The following DPP10 variants were observed in gnomAD, a reference collection of about 807,000 sequenced individuals.
The protein encoded by DPP10 is dipeptidyl peptidase like 10, also known as inactive dipeptidyl peptidase 10.
In DPP10, 33 loss-of-function variants were observed where a neutral mutation model predicts 120.9. The ratio of observed to expected loss-of-function variants is 0.27; its 90% CI spans 0.21 to 0.37. DPP10 has a LOEUF of 0.37. Ranked by LOEUF, DPP10 falls within the 10% of genes least tolerant of loss-of-function variation. The pLI is 1.00. For missense variants in DPP10, 816 were observed against 942.8 expected (o/e 0.87, Z 1.76); for synonymous variants, 337 against 326.1 (o/e 1.03, Z -0.36).
At chr2:114,501,504 T>C (rs924038138) in intron 1 of DPP10, among the ~76,000 whole-genome samples, 2 of 152,180 alleles carry the variant, frequency 1.3e-5, no homozygotes, top group Non-Finnish European at 1.5e-5. Flanking sequence ...CCAAAGCTGC[T>C]AAAAAATCTG....
chr2:115,423,362 T>C (rs1230143659), intron 3 of DPP10, among the ~76,000 whole-genome samples: 2 of 152,144 alleles, frequency 1.3e-5, no homozygotes, highest in Non-Finnish European at 2.9e-5. Context: ...CATATTCTTA[T>C]TAGATAACTA....
intron 1 of DPP10, among the ~76,000 whole-genome samples, chr2:114,945,211 G>A (rs1449934853): frequency 6.6e-6 from 1 of 152,162 alleles, no homozygotes; most frequent in Non-Finnish European, 1.5e-5. Context: ...AATACTAAAA[G>A]CATAATCTGT....
chr2:114,662,774 A>T (rs1697529803), intron 1 of DPP10, among the ~76,000 whole-genome samples: 1 of 152,010 alleles, frequency 6.6e-6, no homozygotes, highest in Non-Finnish European at 1.5e-5. Context: ...GGGGCCCTGA[A>T]GTGCCAGGGG....
At chr2:115,066,644 A>G (rs1706864976) in intron 1 of DPP10, 1 of 152,186 alleles carries the variant, frequency 6.6e-6, no homozygotes, top group Non-Finnish European at 1.5e-5. Context: ...CCTAATATCT[A>G]TGATTTCCTC....
chr2:115,132,931 C>G (rs185327852), intron 1 of DPP10, among the ~76,000 whole-genome samples: 127 of 151,790 alleles, frequency 8.4e-4, no homozygotes, highest in African/African-American at 2.8e-3. Context: ...ATTCTCCATG[C>G]CTACAAGTAG....
intron 21 of DPP10, 36 bp from the exon 22 acceptor site, chr2:115,836,115 GTGAGAT>G (rs1359059514): frequency 2.2e-6 from 2 of 919,806 alleles, no homozygotes; most frequent in Non-Finnish European, 2.9e-6. Context: ...GTGTGTGTGT[GTGAGAT>G]ATATATATAT....
At chr2:115,522,683 T>C (rs923231804) in intron 4 of DPP10, among the ~76,000 whole-genome samples, 4 of 152,162 alleles carry the variant, frequency 2.6e-5, no homozygotes, top group Non-Finnish European at 4.4e-5. Context: ...CTTTGTACTA[T>C]TTTGGATGTC....
chr2:115,338,320 A>G (rs1274626469), intron 2 of DPP10, among the ~76,000 whole-genome samples: 1 of 152,190 alleles, frequency 6.6e-6, no homozygotes, highest in Non-Finnish European at 1.5e-5. Context: ...TGTAATTTTT[A>G]TATCAATGTG....
At chr2:115,682,870 A>G (rs1306266454) in intron 5 of DPP10, among the ~76,000 whole-genome samples, 2 of 151,890 alleles carry the variant, frequency 1.3e-5, no homozygotes, top group African/African-American at 4.8e-5. Context: ...CAGAGGAAAT[A>G]CACTATAAAT....
chr2:115,445,856 C>T (rs1183866264), intron 3 of DPP10, among the ~76,000 whole-genome samples: 1 of 152,210 alleles, frequency 6.6e-6, no homozygotes, highest in Admixed American at 6.5e-5. Context: ...CATGGAAGCT[C>T]CTTTCATCAC....
At chr2:115,018,463 CCAT>C (rs1247782477) in intron 1 of DPP10, among the ~76,000 whole-genome samples, 1 of 152,130 alleles carries the variant, frequency 6.6e-6, no homozygotes, top group Non-Finnish European at 1.5e-5. Context: ...ACCCAAATGT[CCAT>C]CAATGATAGA....
At chr2:115,833,556 T>C (rs1214916018) in intron 21 of DPP10, among the ~76,000 whole-genome samples, 1 of 152,178 alleles carries the variant, frequency 6.6e-6, no homozygotes, top group Admixed American at 6.5e-5. Context: ...AAATCCGAAA[T>C]TTGAAATGCT....
At chr2:115,617,380 A>G (rs1292627416) in intron 5 of DPP10, among the ~76,000 whole-genome samples, 1 of 149,728 alleles carries the variant, frequency 6.7e-6, no homozygotes, top group Non-Finnish European at 1.5e-5. Flanking sequence ...CATAACACGA[A>G]TGAAGAATGC....
At chr2:115,052,849 G>A (rs938250381) in intron 1 of DPP10, among the ~76,000 whole-genome samples, 2 of 151,910 alleles carry the variant, frequency 1.3e-5, no homozygotes, top group African/African-American at 4.8e-5. Flanking sequence ...CTACTCAGGA[G>A]GCTTAGGCAG....
At chr2:115,048,791 T>C (rs1509743) in intron 1 of DPP10, among the ~76,000 whole-genome samples, 147,322 of 152,196 alleles carry the variant, frequency 0.97, 71,506 homozygotes, top group Middle Eastern at 1. Flanking sequence ...TTACAAAAGG[T>C]TTAGATGATT....
chr2:114,587,326 C>T (rs1335792037), intron 1 of DPP10, among the ~76,000 whole-genome samples: 1 of 147,718 alleles, frequency 6.8e-6, no homozygotes, highest in African/African-American at 2.5e-5. Context: ...AAAAAATACA[C>T]ACACACGCAT....
At chr2:115,378,404 G>T (rs572696512) in intron 3 of DPP10, among the ~76,000 whole-genome samples, 3 of 149,890 alleles carry the variant, frequency 2.0e-5, no homozygotes, top group African/African-American at 7.6e-5. Flanking sequence ...CATTGATTTT[G>T]TGTCCTGAGA....
chr2:114,455,658 C>T (rs991298676), intron 1 of DPP10, among the ~76,000 whole-genome samples: 3 of 151,560 alleles, frequency 2.0e-5, no homozygotes, highest in African/African-American at 7.3e-5. Flanking sequence ...TTACTTTTTT[C>T]CATAATAAGA....
chr2:115,327,146 A>G (rs916878771), intron 2 of DPP10, among the ~76,000 whole-genome samples: 3 of 152,054 alleles, frequency 2.0e-5, no homozygotes, highest in African/African-American at 4.8e-5. Flanking sequence ...TTATGTTTCA[A>G]TTGCCTGTGA....
Sources: gnomAD v4.1 joint callset for allele counts (sites outside exome capture counted in the v4.1 genomes callset) on GRCh38, gnomAD v4.1.1 for gene constraint, MANE v1.5 for transcripts, NCBI Gene and HGNC (gene_info 2026-07-23, HGNC 2026-07-21) for gene names.